Variants in ARHGAP15 observed in about 807,000 individuals in gnomAD.
ARHGAP15 encodes the protein rho GTPase-activating protein 15.
In ARHGAP15, 51 loss-of-function variants were observed where a neutral mutation model predicts 63.7. The ratio of observed to expected loss-of-function variants is 0.80; its 90% CI spans 0.64 to 1.01. ARHGAP15 has a LOEUF of 1.01. Ranked by LOEUF, ARHGAP15 falls within the 50% of genes least tolerant of loss-of-function variation. The probability of loss-of-function intolerance (pLI) is 0.00; values close to 1 mark genes in which losing one functional copy is unlikely to be tolerated. For missense variants in ARHGAP15, 560 were observed against 564.6 expected (o/e 0.99, Z 0.08); for synonymous variants, 191 against 193.8 (o/e 0.99, Z 0.12).
intron 6 of ARHGAP15, among the ~76,000 whole-genome samples, chr2:143,255,813 T>C (rs1381970860): frequency 1.3e-5 from 2 of 152,156 alleles, no homozygotes; most frequent in Admixed American, 6.6e-5. Context: ...GTAAAGCTGG[T>C]TTCACTTTAG....
At chr2:143,767,301 G>C (rs2072953941) in intron 13 of ARHGAP15, among the ~76,000 whole-genome samples, 1 of 152,102 alleles carries the variant, frequency 6.6e-6, no homozygotes, top group Non-Finnish European at 1.5e-5. Flanking sequence ...CCAAATCCTA[G>C]TGTTTCATTG....
intron 5 of ARHGAP15, among the ~76,000 whole-genome samples, chr2:143,241,657 A>G (rs527478644): frequency 7.9e-5 from 12 of 152,348 alleles, no homozygotes; most frequent in Non-Finnish European, 1.8e-4. Context: ...CTGCTTCCCA[A>G]TGACAACACA....
chr2:143,697,065 C>T (rs1044578745), intron 12 of ARHGAP15, among the ~76,000 whole-genome samples: 5 of 152,138 alleles, frequency 3.3e-5, no homozygotes, highest in South Asian at 2.1e-4. Context: ...CTACGGGCTA[C>T]GCTCAAGGCG....
chr2:143,167,662 A>G (rs545986594), intron 2 of ARHGAP15, among the ~76,000 whole-genome samples: 2 of 152,098 alleles, frequency 1.3e-5, no homozygotes, highest in Admixed American at 1.3e-4. Flanking sequence ...TTTTTCACCT[A>G]TGCTTCAGAG....
At chr2:143,245,433 T>G (rs13024881) in intron 5 of ARHGAP15, among the ~76,000 whole-genome samples, 1,754 of 152,264 alleles carry the variant, frequency 0.012, 21 homozygotes, top group Middle Eastern at 0.037. Flanking sequence ...ACCTTAATGG[T>G]TAAGACATTT....
chr2:143,625,111 T>C (rs1698785482), intron 12 of ARHGAP15, among the ~76,000 whole-genome samples: 1 of 152,114 alleles, frequency 6.6e-6, no homozygotes, highest in African/African-American at 2.4e-5. Flanking sequence ...GCAAGCCAGC[T>C]GATTTAAGGA....
chr2:143,233,297 C>T (rs894881895), intron 5 of ARHGAP15, among the ~76,000 whole-genome samples: 5 of 152,012 alleles, frequency 3.3e-5, no homozygotes, highest in African/African-American at 1.2e-4. Context: ...CAGGGACAAT[C>T]TATCTCATAG....
intron 6 of ARHGAP15, among the ~76,000 whole-genome samples, chr2:143,271,596 C>T (rs1681284597): frequency 6.6e-6 from 1 of 152,238 alleles, no homozygotes; most frequent in Admixed American, 6.5e-5. Flanking sequence ...CTGCCTCAGC[C>T]TCCGGAGTAG....
At chr2:143,681,828 A>C (rs1683112259) in intron 12 of ARHGAP15, among the ~76,000 whole-genome samples, 1 of 152,200 alleles carries the variant, frequency 6.6e-6, no homozygotes, top group Non-Finnish European at 1.5e-5. Context: ...TAAAGAATGC[A>C]TTCTTTGGTG....
At chr2:143,634,187 C>A (rs190278467) in intron 12 of ARHGAP15, among the ~76,000 whole-genome samples, 2 of 152,156 alleles carry the variant, frequency 1.3e-5, no homozygotes, top group East Asian at 3.9e-4. Context: ...TCTTTGAATA[C>A]CCCAAGCACA....
At chr2:143,465,162 C>T (rs984554180) in intron 8 of ARHGAP15, among the ~76,000 whole-genome samples, 5 of 152,056 alleles carry the variant, frequency 3.3e-5, no homozygotes, top group Admixed American at 3.3e-4. Flanking sequence ...CTCTGGTTTT[C>T]CATTAACATT....
intron 4 of ARHGAP15, chr2:143,228,049 G>A (rs1182669104): frequency 6.6e-6 from 1 of 152,100 alleles, no homozygotes; most frequent in Non-Finnish European, 1.5e-5. Context: ...ACAATTTGAT[G>A]TACAAAGAGG....
At chr2:143,293,118 C>A (rs1366633325) in intron 6 of ARHGAP15, among the ~76,000 whole-genome samples, 3 of 152,038 alleles carry the variant, frequency 2.0e-5, no homozygotes, top group Non-Finnish European at 4.4e-5. Flanking sequence ...TCTTTTGTTA[C>A]AGTCCCTTTG....
intron 12 of ARHGAP15, among the ~76,000 whole-genome samples, chr2:143,692,489 G>T (rs1683655003): frequency 6.6e-6 from 1 of 152,116 alleles, no homozygotes; most frequent in African/African-American, 2.4e-5. Context: ...ATGCTCCCAG[G>T]TTACAGTATT....
In ARHGAP15 at chr2:143,396,944, A is replaced by G. The variant is rs77990353; in HGVS notation, c.475-38657A>G. Among the ~76,000 whole-genome samples, 388 of 152,286 alleles carry G rather than the reference A, an allele frequency of 2.5e-3. 5 individuals are homozygous for G. The highest frequency in any genetic ancestry group is 0.017 in the Admixed American group (257 of 15,258). ...TGCAACAGTAAAGGCGATGAGGTAT[A>G]GTGAGGCAATGACTCACCTAAAGTT... On this transcript the variant is annotated intron_variant, in intron 6 of 13. Transcript: ENST00000295095.
intron 2 of ARHGAP15, among the ~76,000 whole-genome samples, chr2:143,167,915 C>T (rs966772309): frequency 1.3e-5 from 2 of 152,060 alleles, no homozygotes; most frequent in African/African-American, 4.8e-5. Context: ...GCCCTAAGGA[C>T]ATTTGACTTG....
chr2:143,337,360 A>G (rs1282798134), intron 6 of ARHGAP15, among the ~76,000 whole-genome samples: 1 of 152,212 alleles, frequency 6.6e-6, no homozygotes, highest in African/African-American at 2.4e-5. Flanking sequence ...ATGGGAAGCC[A>G]TGAAATGACT....
At chr2:143,464,853 A>G (rs929141814) in intron 8 of ARHGAP15, among the ~76,000 whole-genome samples, 1 of 152,086 alleles carries the variant, frequency 6.6e-6, no homozygotes, top group African/African-American at 2.4e-5. Context: ...AAAGCTTTTT[A>G]TTGGAAAATT....
intron 6 of ARHGAP15, among the ~76,000 whole-genome samples, chr2:143,371,596 G>A (rs759512607): frequency 6.6e-6 from 1 of 152,082 alleles, no homozygotes; most frequent in African/African-American, 2.4e-5. Flanking sequence ...ATTTGGTTTG[G>A]TAATAATCCA....
Sources: gnomAD v4.1 joint callset for allele counts (sites outside exome capture counted in the v4.1 genomes callset) on GRCh38, gnomAD v4.1.1 for gene constraint, MANE v1.5 for transcripts, NCBI Gene and HGNC (gene_info 2026-07-23, HGNC 2026-07-21) for gene names.